ARMC2: variants seen among roughly 807,000 people sequenced by gnomAD.
ARMC2 encodes armadillo repeat containing 2, also known as armadillo repeat-containing protein 2.
In ARMC2, 67 loss-of-function variants were observed where a neutral mutation model predicts 90.3. The ratio of observed to expected loss-of-function variants is 0.74; its 90% CI spans 0.61 to 0.91. The LOEUF (loss-of-function observed/expected upper bound fraction) is 0.91, where lower values mean the gene tolerates loss of function less well. Among genes scored for constraint, ARMC2 ranks in the 40% least tolerant of loss-of-function variants. The pLI is 0.00. For missense variants in ARMC2, 920 were observed against 1,030.9 expected (o/e 0.89, Z 1.47); for synonymous variants, 393 against 393.0 (o/e 1.00, Z 0.00).
At chr6:108,961,874 T>C (rs1035198460) in intron 14 of ARMC2, 140 bp from the exon 15 acceptor site, 2 of 980,178 alleles carry the variant, frequency 2.0e-6, no homozygotes, top group Non-Finnish European at 2.9e-6. Context: ...ATTAGTTTCT[T>C]AGTTCTTGCT....
the ARMC2 span, among the ~76,000 whole-genome samples, chr6:109,029,286 G>C: frequency 0.092 from 14,037 of 152,184 alleles, 869 homozygotes; most frequent in Middle Eastern, 0.19. Context: ...AGGAACAATA[G>C]AAATCACGGG....
intron 10 of ARMC2, among the ~76,000 whole-genome samples, chr6:108,915,419 C>T (rs1039490900): frequency 6.6e-6 from 1 of 152,138 alleles, no homozygotes; most frequent in Non-Finnish European, 1.5e-5. Context: ...TCTTCTATGA[C>T]TTTCAACCCC....
intron 13 of ARMC2, among the ~76,000 whole-genome samples, chr6:108,955,920 C>G (rs968097084): frequency 6.6e-6 from 1 of 152,182 alleles, no homozygotes; most frequent in Non-Finnish European, 1.5e-5. Context: ...TTTAAAATAC[C>G]CTTTTTGGTT....
At chr6:108,854,610 G>A in intron 2 of ARMC2, 125 bp downstream of exon 2, 1 of 916,202 alleles carries the variant, frequency 1.1e-6, no homozygotes, top group Non-Finnish European at 1.6e-6. Context: ...TAAGTTCACA[G>A]CAAAATTGAG....
chr6:108,917,815 A>C (rs1774125381), intron 10 of ARMC2, among the ~76,000 whole-genome samples: 1 of 151,980 alleles, frequency 6.6e-6, no homozygotes, highest in Admixed American at 6.6e-5. Flanking sequence ...ACCCAGCTAC[A>C]TTTTGTATTT....
At chr6:108,961,785 T>C in intron 14 of ARMC2, 91 bp downstream of exon 14, 3 of 1,373,000 alleles carry the variant, frequency 2.2e-6, no homozygotes, top group South Asian at 1.4e-5. Context: ...ATTACTATCT[T>C]CTGCCTTCTG....
chr6:108,910,602 A>G (rs565422189), intron 8 of ARMC2, among the ~76,000 whole-genome samples: 42 of 152,376 alleles, frequency 2.8e-4, no homozygotes, highest in African/African-American at 1.0e-3. Flanking sequence ...AAAGGAAATC[A>G]GTGTATCGAA....
the ARMC2 span, among the ~76,000 whole-genome samples, chr6:109,010,691 T>C: frequency 6.6e-6 from 1 of 152,212 alleles, no homozygotes; most frequent in Non-Finnish European, 1.5e-5. Flanking sequence ...TATACTGCTT[T>C]TAAAAAATAG....
Position 108,929,945 on chromosome 6 carries a change from C to T in ARMC2, c.1496+1712C>T, listed in dbSNP as rs545717193. 9.2e-5 allele frequency among the ~76,000 whole-genome samples: 14 copies of T among 151,888 alleles called. No homozygotes were observed. In the East Asian group the frequency reaches 1.6e-3, roughly 17 times the overall value. ...CAACATGGCGAAATCCCATCTCTAG[C>T]GCTGCCCCCCACCCCCAACCCCTGC... is the stretch of plus-strand genomic sequence containing the variant. On this transcript the variant is annotated intron_variant, in intron 11 of 17. Transcript: ENST00000392644.
chr6:108,912,919 T>C (rs1323493614), intron 10 of ARMC2, among the ~76,000 whole-genome samples: 1 of 152,166 alleles, frequency 6.6e-6, no homozygotes, highest in African/African-American at 2.4e-5. Context: ...CTGGAGATGA[T>C]TTATGATGAT....
chr6:108,861,257 T>C (rs986835363), intron 3 of ARMC2, among the ~76,000 whole-genome samples: 2 of 152,250 alleles, frequency 1.3e-5, no homozygotes, highest in Admixed American at 6.5e-5. Context: ...TCTGTTACTC[T>C]GTGTTTGTGT....
intron 15 of ARMC2, among the ~76,000 whole-genome samples, 184 bp from the exon 16 acceptor site, chr6:108,963,996 G>A (rs1778178783): frequency 6.6e-6 from 1 of 152,194 alleles, no homozygotes; most frequent in African/African-American, 2.4e-5. Flanking sequence ...AACTCTGGGA[G>A]TGGTGGGTAT....
intron 9 of ARMC2, among the ~76,000 whole-genome samples, chr6:108,911,375 A>G (rs533355558): frequency 6.6e-6 from 1 of 152,312 alleles, no homozygotes; most frequent in East Asian, 1.9e-4. Flanking sequence ...AAAGACATCT[A>G]TAACTGTTAT....
chr6:108,875,162 T>C (rs1464785749), intron 4 of ARMC2, among the ~76,000 whole-genome samples: 3 of 152,178 alleles, frequency 2.0e-5, no homozygotes, highest in Non-Finnish European at 4.4e-5. Flanking sequence ...CAATAAGCTA[T>C]TCCTAATACC....
chr6:109,044,927 G>T, the ARMC2 span, among the ~76,000 whole-genome samples: 13 of 151,980 alleles, frequency 8.6e-5, no homozygotes, highest in Non-Finnish European at 1.0e-4. Flanking sequence ...GGCAGCTGAG[G>T]CAAGAGAATC....
At chr6:108,908,604 C>T (rs1038705813) in intron 8 of ARMC2, among the ~76,000 whole-genome samples, 2 of 151,878 alleles carry the variant, frequency 1.3e-5, no homozygotes, top group Non-Finnish European at 2.9e-5. Flanking sequence ...AAAAATTAGC[C>T]AGGCATGGTG....
chr6:108,993,851 A>G, the ARMC2 span, among the ~76,000 whole-genome samples: 2 of 152,096 alleles, frequency 1.3e-5, no homozygotes, highest in African/African-American at 4.8e-5. Context: ...AGTAGCCGGT[A>G]CTACAGGTAC....
intron 13 of ARMC2, 47 bp downstream of exon 13, chr6:108,953,398 C>A: frequency 6.5e-7 from 1 of 1,529,996 alleles, no homozygotes; most frequent in South Asian, 1.2e-5. Flanking sequence ...CCAACTTTCC[C>A]GCGGCCCAAA....
At chr6:108,957,388 T>G (rs1445240902) in intron 13 of ARMC2, among the ~76,000 whole-genome samples, 1 of 152,176 alleles carries the variant, frequency 6.6e-6, no homozygotes, top group African/African-American at 2.4e-5. Flanking sequence ...GGTGACCACA[T>G]TCCAGGAAAG....
Sources: allele counts gnomAD v4.1 joint callset (sites outside exome capture counted in the v4.1 genomes callset), GRCh38; gene constraint gnomAD v4.1.1; transcripts MANE v1.5; gene names NCBI Gene and HGNC (gene_info 2026-07-23, HGNC 2026-07-21).